Variants in SGMS1 observed in about 807,000 individuals in gnomAD.
The protein encoded by SGMS1 is sphingomyelin synthase 1.
SGMS1 carries 13 observed loss-of-function variants against 46.2 expected under a neutral mutation model. The ratio of observed to expected loss-of-function variants is 0.28; its 90% CI spans 0.18 to 0.45. The LOEUF (loss-of-function observed/expected upper bound fraction) is 0.45. Among genes scored for constraint, SGMS1 ranks in the 20% least tolerant of loss-of-function variants. The pLI is 1.00. For missense variants in SGMS1, 324 were observed against 519.9 expected (o/e 0.62, Z 3.66); for synonymous variants, 203 against 187.8 (o/e 1.08, Z -0.66).
intron 5 of SGMS1, among the ~76,000 whole-genome samples, chr10:50,459,330 C>T (rs937401806): frequency 6.6e-6 from 1 of 151,960 alleles, no homozygotes; most frequent in Non-Finnish European, 1.5e-5. Flanking sequence ...TAATTATAAA[C>T]CAAATAAAAT....
chr10:50,315,255 C>G (rs1439303905), intron 8 of SGMS1, among the ~76,000 whole-genome samples: 1 of 152,198 alleles, frequency 6.6e-6, no homozygotes, highest in Non-Finnish European at 1.5e-5. Context: ...GTTTTACAAA[C>G]ACTATGTGCA....
intron 6 of SGMS1, among the ~76,000 whole-genome samples, chr10:50,382,296 T>C (rs1035920292): frequency 6.6e-6 from 1 of 152,126 alleles, no homozygotes; most frequent in African/African-American, 2.4e-5. Flanking sequence ...AATTGTAAAG[T>C]ATCTTCTTGG....
At chr10:50,517,073 G>C (rs1438644874) in intron 3 of SGMS1, among the ~76,000 whole-genome samples, 2 of 152,164 alleles carry the variant, frequency 1.3e-5, no homozygotes, top group South Asian at 2.1e-4. Context: ...TCAAAGGGAA[G>C]AGAAGTGGTC....
chr10:50,573,784 C>T (rs543945274), intron 2 of SGMS1, among the ~76,000 whole-genome samples: 42 of 152,074 alleles, frequency 2.8e-4, no homozygotes, highest in Non-Finnish European at 4.9e-4. Flanking sequence ...TATTATGAAG[C>T]TACAGTAATG....
chr10:50,595,455 G>T (rs771945389), intron 1 of SGMS1, among the ~76,000 whole-genome samples: 1 of 152,174 alleles, frequency 6.6e-6, no homozygotes, highest in Non-Finnish European at 1.5e-5. Context: ...TGGGATACAG[G>T]CATGAGCCAC....
chr10:50,565,747 G>T (rs994750154), intron 2 of SGMS1, among the ~76,000 whole-genome samples: 1 of 152,162 alleles, frequency 6.6e-6, no homozygotes, highest in African/African-American at 2.4e-5. Flanking sequence ...AGTTGCCTAC[G>T]TTGGGGGTGA....
At chr10:50,339,402 T>C (rs1847774459) in intron 7 of SGMS1, among the ~76,000 whole-genome samples, 1 of 152,230 alleles carries the variant, frequency 6.6e-6, no homozygotes, top group African/African-American at 2.4e-5. Flanking sequence ...CAGATGTCTG[T>C]TCAACCATCT....
At chr10:50,624,055 C>CCGGG, upstream of SGMS1, 1 of 985,370 alleles carries the variant, frequency 1.0e-6, no homozygotes, top group Non-Finnish European at 1.2e-6. Flanking sequence ...GGCGGGCCGG[C>CCGGG]CGGGCGGGGT....
chr10:50,491,982 C>T (rs1451941934), intron 3 of SGMS1, among the ~76,000 whole-genome samples: 1 of 152,218 alleles, frequency 6.6e-6, no homozygotes, highest in Non-Finnish European at 1.5e-5. Flanking sequence ...GTCAAGTATA[C>T]TTCATCCCTG....
At chr10:50,454,314 T>A (rs1210842874) in intron 5 of SGMS1, among the ~76,000 whole-genome samples, 2 of 152,030 alleles carry the variant, frequency 1.3e-5, no homozygotes, top group Non-Finnish European at 2.9e-5. Context: ...GAACTATGAA[T>A]GTAGCATCAG....
rs547625345 is a variant in SGMS1 at position 50,355,359 on chromosome 10, C to T, written c.-231-11014G>A. 6.2e-4 allele frequency among the ~76,000 whole-genome samples: 94 copies of T among 152,352 alleles called. 1 individual carries two copies. The highest frequency in any genetic ancestry group is 2.2e-3 in the African/African-American group (90 of 41,594). ...GGACTGTACTGCCGCCATCTCGGCTCACTGCAACCTCCCTGCCTGATTCTC... is the reference window on the plus strand; with the variant it reads ...GGACTGTACTGCCGCCATCTCGGCTTACTGCAACCTCCCTGCCTGATTCTC... On this transcript the variant is annotated intron_variant, in intron 6 of 10. Transcript: ENST00000361781.
intron 6 of SGMS1, among the ~76,000 whole-genome samples, chr10:50,353,964 T>C (rs1848079416): frequency 1.3e-5 from 2 of 152,168 alleles, no homozygotes; most frequent in South Asian, 4.1e-4. Flanking sequence ...TGGAAGAACA[T>C]TCCATGCTCA....
At chr10:50,576,857 G>A (rs1016835679) in intron 2 of SGMS1, among the ~76,000 whole-genome samples, 11 of 152,302 alleles carry the variant, frequency 7.2e-5, no homozygotes, top group African/African-American at 2.4e-4. Context: ...GGTGGCAAAA[G>A]AAAAGAATGT....
At position 50,572,834 on chromosome 10, in the gene SGMS1, C is replaced by G. The variant is rs572785794; in HGVS notation, c.-589+17319G>C. 5.3e-5 allele frequency among the ~76,000 whole-genome samples: 8 copies of G among 152,162 alleles called. No homozygotes were observed. In the South Asian group the frequency reaches 1.0e-3, roughly 20 times the overall value. ...CCTGTCTCATCTCCACCATTTAAAACAGAACACAAATCAGCGTTTTCAACA... is the reference window on the plus strand; with the variant it reads ...CCTGTCTCATCTCCACCATTTAAAAGAGAACACAAATCAGCGTTTTCAACA... On this transcript the variant is annotated intron_variant, in intron 2 of 10. Transcript: ENST00000361781.
At chr10:50,530,067 C>T (rs1837939589) in intron 2 of SGMS1, among the ~76,000 whole-genome samples, 1 of 152,176 alleles carries the variant, frequency 6.6e-6, no homozygotes, top group African/African-American at 2.4e-5. Context: ...CAATCATCAT[C>T]CCATCTCCTG....
chr10:50,614,943 G>A (rs1234751685), intron 1 of SGMS1, among the ~76,000 whole-genome samples: 3 of 152,220 alleles, frequency 2.0e-5, no homozygotes, highest in Non-Finnish European at 4.4e-5. Flanking sequence ...CTTAGAAAGT[G>A]GCTGGCATGC....
chr10:50,437,951 G>A (rs1849496059), intron 5 of SGMS1, among the ~76,000 whole-genome samples: 1 of 152,218 alleles, frequency 6.6e-6, no homozygotes, highest in Non-Finnish European at 1.5e-5. Context: ...CAAAGGCAGG[G>A]TTTCCTGCTA....
chr10:50,589,879 C>T (rs1287942376), intron 2 of SGMS1, among the ~76,000 whole-genome samples: 3 of 152,142 alleles, frequency 2.0e-5, no homozygotes, highest in African/African-American at 7.2e-5. Flanking sequence ...TTCTGTGCCA[C>T]GTAGTTCTAA....
At chr10:50,454,018 C>A in intron 5 of SGMS1, among the ~76,000 whole-genome samples, 1 of 108,822 alleles carries the variant, frequency 9.2e-6, no homozygotes. Flanking sequence ...ATGATCTATT[C>A]ATACTAGACT....
Sources: allele counts gnomAD v4.1 joint callset (sites outside exome capture counted in the v4.1 genomes callset), GRCh38; gene constraint gnomAD v4.1.1; transcripts MANE v1.5; gene names NCBI Gene and HGNC (gene_info 2026-07-23, HGNC 2026-07-21).